The following KANK1 variants were observed in gnomAD, a reference collection of about 807,000 sequenced individuals.
KANK1 encodes the protein KN motif and ankyrin repeat domain-containing protein 1.
In KANK1, 109 loss-of-function variants were observed where a neutral mutation model predicts 106.2. The observed-to-expected ratio is 1.03, with a 90% CI of 0.88 to 1.20. KANK1 has a LOEUF of 1.20. KANK1 is among the 50% of genes most tolerant of loss of function. KANK1 has a pLI of 0.00. For synonymous variants in KANK1, 873 were observed against 652.2 expected, an observed-to-expected ratio of 1.34 and a Z score of -5.16; for missense variants, 2,399 against 1,710.7, an observed-to-expected ratio of 1.40 and a Z score of -7.10.
chr9:605,012 A>G (rs912375783), intron 1 of KANK1, among the ~76,000 whole-genome samples: 4 of 151,682 alleles, frequency 2.6e-5, no homozygotes, highest in African/African-American at 9.8e-5. Flanking sequence ...TGTTTTTAAT[A>G]GAAACCTCCT....
chr9:643,546 T>TA (rs1554663884), intron 1 of KANK1, among the ~76,000 whole-genome samples: 1 of 142,616 alleles, frequency 7.0e-6, no homozygotes, highest in African/African-American at 2.8e-5. Context: ...CTTTTTGATT[T>TA]TTTTTTTTTT....
intron 1 of KANK1, among the ~76,000 whole-genome samples, chr9:610,427 C>G (rs1015363241): frequency 6.6e-6 from 1 of 152,084 alleles, no homozygotes; most frequent in African/African-American, 2.4e-5. Flanking sequence ...TAATGGTGTA[C>G]TATATGGGTG....
intron 1 of KANK1, among the ~76,000 whole-genome samples, chr9:598,620 C>CTTTTTTTTTTTGTTTT (rs1826843599): frequency 2.1e-5 from 1 of 46,660 alleles, no homozygotes; most frequent in Non-Finnish European, 4.3e-5. Flanking sequence ...TGTTGGTTTT[C>CTTTTTTTTTTTGTTTT]TTTTTTTTTT....
intron 3 of KANK1, among the ~76,000 whole-genome samples, chr9:498,043 CAG>C (rs2058485937): frequency 6.6e-6 from 1 of 152,128 alleles, no homozygotes; most frequent in South Asian, 2.1e-4. Context: ...ATGGGAAACT[CAG>C]GGCACGAGAT....
chr9:565,693 G>A (rs565269911), intron 1 of KANK1, among the ~76,000 whole-genome samples: 130 of 152,264 alleles, frequency 8.5e-4, no homozygotes, highest in Non-Finnish European at 1.1e-3. Flanking sequence ...ATGAGTCGCA[G>A]GTCCAGGTGG....
At chr9:655,863 T>C (rs1202239117) in intron 1 of KANK1, among the ~76,000 whole-genome samples, 1 of 152,224 alleles carries the variant, frequency 6.6e-6, no homozygotes. Flanking sequence ...TTCAATCAAA[T>C]GTTTGTAAAT....
chr9:608,198 C>T (rs539562257), intron 1 of KANK1, among the ~76,000 whole-genome samples: 8,963 of 149,318 alleles, frequency 0.06, 1,032 homozygotes, highest in African/African-American at 0.21. Context: ...CCACCGCGCC[C>T]GGCTAATTTT....
At chr9:547,117 C>G (rs1477414026) in intron 1 of KANK1, among the ~76,000 whole-genome samples, 1 of 152,138 alleles carries the variant, frequency 6.6e-6, no homozygotes, top group East Asian at 1.9e-4. Context: ...TGTTGGTGTT[C>G]TTTTTCAGCC....
intron 1 of KANK1, among the ~76,000 whole-genome samples, chr9:592,168 AGGGTTTG>A (rs945422844): frequency 1.3e-5 from 2 of 151,792 alleles, no homozygotes; most frequent in African/African-American, 4.9e-5. Context: ...GCTTCAAAAA[AGGGTTTG>A]GCTGAAGGCA....
intron 1 of KANK1, among the ~76,000 whole-genome samples, chr9:517,259 A>G (rs2059324441): frequency 6.6e-6 from 1 of 151,512 alleles, no homozygotes; most frequent in Non-Finnish European, 1.5e-5. Context: ...ATGCACCACC[A>G]TGCCTAGCTA....
chr9:471,491 T>C (rs1254846760), intron 2 of KANK1: 1 of 152,242 alleles, frequency 6.6e-6, no homozygotes, highest in African/African-American at 2.4e-5. Flanking sequence ...TCCCTCCTTA[T>C]GCGGGCCTCA....
intron 1 of KANK1, among the ~76,000 whole-genome samples, chr9:580,379 G>A (rs1821755022): frequency 6.6e-6 from 1 of 152,172 alleles, no homozygotes; most frequent in African/African-American, 2.4e-5. Context: ...TCCACACTGT[G>A]GGAGGGGACC....
chr9:580,237 G>A lies in KANK1; in HGVS notation c.-84+75483G>A, dbSNP rs565955843. Among the ~76,000 whole-genome samples the A allele has an allele frequency of 9.0e-4, 137 of 152,188 alleles. 1 individual carries two copies. Among genetic ancestry groups the A allele is most frequent in the Non-Finnish European group, 1.5e-3 (104 of 68,014 alleles). ...CGGTCTGGAGTTGTTCATTCCTCCCGGTGGGTTCGTGGTCTCGCTGGCCTC... is the reference window on the plus strand; with the variant it reads ...CGGTCTGGAGTTGTTCATTCCTCCCAGTGGGTTCGTGGTCTCGCTGGCCTC... On this transcript the variant is annotated intron_variant, in intron 1 of 11. Coordinates refer to ENST00000382297, the MANE Select transcript of KANK1 (RefSeq NM_015158.5).
intron 1 of KANK1, among the ~76,000 whole-genome samples, chr9:631,545 T>TA (rs56669753): frequency 0.65 from 99,144 of 151,626 alleles, 35,029 homozygotes; most frequent in African/African-American, 0.91. Flanking sequence ...ATCTCCTTCT[T>TA]CCACATTCCT....
chr9:612,892 G>A (rs7042862), intron 1 of KANK1, among the ~76,000 whole-genome samples: 38,948 of 152,022 alleles, frequency 0.26, 5,198 homozygotes, highest in Admixed American at 0.34. Flanking sequence ...AATCACCTTT[G>A]CCTGTGATAT....
At chr9:635,148 G>T (rs990087983) in intron 1 of KANK1, among the ~76,000 whole-genome samples, 3 of 152,110 alleles carry the variant, frequency 2.0e-5, no homozygotes, top group Non-Finnish European at 4.4e-5. Flanking sequence ...CAGGACTACA[G>T]GGCTTCCTTT....
intron 3 of KANK1, among the ~76,000 whole-genome samples, chr9:716,908 G>A (rs2131141802): frequency 6.6e-6 from 1 of 150,554 alleles, no homozygotes; most frequent in East Asian, 2.0e-4. Flanking sequence ...AGCCCAGGAG[G>A]TTGATTTGAG....
intron 1 of KANK1, among the ~76,000 whole-genome samples, chr9:656,939 T>C (rs1389369816): frequency 6.6e-6 from 1 of 152,176 alleles, no homozygotes; most frequent in East Asian, 1.9e-4. Flanking sequence ...TGTTTAAGTG[T>C]ACACTTCATT....
chr9:526,650 G>A (rs1489230691), intron 1 of KANK1, among the ~76,000 whole-genome samples: 7 of 151,752 alleles, frequency 4.6e-5, no homozygotes, highest in South Asian at 4.1e-4. Flanking sequence ...CTACAAAACC[G>A]TCCATGAAAA....
Sources: allele counts gnomAD v4.1 joint callset (sites outside exome capture counted in the v4.1 genomes callset), GRCh38; gene constraint gnomAD v4.1.1; transcripts MANE v1.5; gene names NCBI Gene and HGNC (gene_info 2026-07-23, HGNC 2026-07-21).